The following CACNA2D3 variants were observed in gnomAD, a reference collection of about 807,000 sequenced individuals.
CACNA2D3 encodes the protein voltage-dependent calcium channel subunit alpha-2/delta-3.
A neutral mutation model predicts 160.6 loss-of-function variants in CACNA2D3; 60 were observed. That is an observed-to-expected ratio of 0.37 (90% CI 0.30 to 0.46). The LOEUF is 0.46. CACNA2D3 is among the 20% of genes least tolerant of loss of function. The pLI is 1.00. For synonymous variants in CACNA2D3, 558 were observed against 492.9 expected (o/e 1.13, Z -1.75); for missense variants, 1,205 against 1,365.0 (o/e 0.88, Z 1.85).
Position 54,862,449 on chromosome 3 carries a change from G to A in CACNA2D3, c.1627-9090G>A, listed in dbSNP as rs148407726. ...ATGAAGGCTCAGCATTCTGACGTTGGTTGTTGGTTGATGCTATTACAGGCA... is the reference window on the plus strand; with the variant it reads ...ATGAAGGCTCAGCATTCTGACGTTGATTGTTGGTTGATGCTATTACAGGCA... On this transcript the variant is annotated intron_variant, in intron 17 of 37. Coordinates refer to ENST00000474759, the MANE Select transcript of CACNA2D3 (RefSeq NM_018398.3). 2.0e-5 allele frequency among the ~76,000 whole-genome samples: 3 copies of A among 152,226 alleles called. No homozygotes were observed. The East Asian group carries it at 5.8e-4, about 29-fold the overall frequency.
intron 27 of CACNA2D3, among the ~76,000 whole-genome samples, chr3:54,946,489 G>C (rs528222700): frequency 6.6e-6 from 1 of 152,180 alleles, no homozygotes; most frequent in Non-Finnish European, 1.5e-5. Flanking sequence ...ATGAAAGGAG[G>C]GGGGATGTGA....
At chr3:54,918,533 C>A (rs1700732431) in intron 27 of CACNA2D3, 1 of 1,614,028 alleles carries the variant, frequency 6.2e-7, no homozygotes, top group South Asian at 1.1e-5. Flanking sequence ...AAGGGTCCCC[C>A]ATGGTACTGG....
intron 27 of CACNA2D3, among the ~76,000 whole-genome samples, chr3:54,936,319 C>T (rs1284067109): frequency 6.6e-6 from 1 of 152,142 alleles, no homozygotes; most frequent in Non-Finnish European, 1.5e-5. Flanking sequence ...GAGTATTCTG[C>T]CCGTGGACAG....
chr3:54,770,936 G>A (rs753376607), intron 13 of CACNA2D3, among the ~76,000 whole-genome samples: 2 of 152,172 alleles, frequency 1.3e-5, no homozygotes, highest in African/African-American at 4.8e-5. Context: ...TACGGGCAAA[G>A]CAACCATAAA....
intron 11 of CACNA2D3, among the ~76,000 whole-genome samples, chr3:54,653,325 G>A (rs1699811656): frequency 6.6e-6 from 1 of 152,152 alleles, no homozygotes; most frequent in Non-Finnish European, 1.5e-5. Context: ...TCTCTTGGGT[G>A]CTGACATTTC....
Position 54,642,150 on chromosome 3 carries a change from G to GT in CACNA2D3, c.1077dup (p.Ile360TyrfsTer11). On this transcript the variant is annotated frameshift_variant, in exon 11 of 38. Coordinates refer to ENST00000474759, the MANE Select transcript of CACNA2D3 (RefSeq NM_018398.3). LOFTEE classifies it high-confidence loss of function. ...TAGTTCAACCACACGGGACAAGGAAGTATCTGCAGTCAGGCCATCATGCTC... is the reference window on the plus strand; with the variant it reads ...TAGTTCAACCACACGGGACAAGGAAGTTATCTGCAGTCAGGCCATCATGCTC... 6.2e-7 allele frequency: 1 copy of GT among 1,612,580 alleles called. No homozygotes were observed. The highest frequency in any genetic ancestry group is 8.5e-7 in the Non-Finnish European group (1 of 1,179,100).
chr3:54,585,978 T>C (rs11130427), intron 9 of CACNA2D3, among the ~76,000 whole-genome samples: 42,690 of 151,568 alleles, frequency 0.28, 6,815 homozygotes, highest in South Asian at 0.4. Context: ...AAGAAACTCA[T>C]TTGAGGCCTG....
At chr3:54,333,157 C>T (rs1704302255) in intron 3 of CACNA2D3, among the ~76,000 whole-genome samples, 2 of 151,836 alleles carry the variant, frequency 1.3e-5, no homozygotes, top group Admixed American at 6.6e-5. Context: ...CTGTGAGGGG[C>T]ATGGTGTGGT....
intron 9 of CACNA2D3, among the ~76,000 whole-genome samples, chr3:54,583,110 C>A (rs1263377478): frequency 1.3e-5 from 2 of 152,104 alleles, no homozygotes; most frequent in African/African-American, 4.8e-5. Flanking sequence ...GTTGTTTGGC[C>A]ATTGTGTAAG....
intron 2 of CACNA2D3, among the ~76,000 whole-genome samples, chr3:54,271,044 T>C (rs564534867): frequency 6.6e-6 from 1 of 152,246 alleles, no homozygotes; most frequent in African/African-American, 2.4e-5. Context: ...TCATTTGCAT[T>C]TTTAGAAGGA....
chr3:54,960,747 T>C (rs1268447541), intron 27 of CACNA2D3, among the ~76,000 whole-genome samples: 1 of 152,226 alleles, frequency 6.6e-6, no homozygotes, highest in Non-Finnish European at 1.5e-5. Context: ...CCCAAATTAG[T>C]CCCAGGATTT....
chr3:55,020,482 GTA>G (rs1259057145), intron 35 of CACNA2D3, among the ~76,000 whole-genome samples: 1 of 149,780 alleles, frequency 6.7e-6, no homozygotes, highest in African/African-American at 2.4e-5. Context: ...TTTATATGTA[GTA>G]TATATTATAT....
chr3:54,611,680 G>T (rs1305598227), intron 9 of CACNA2D3, among the ~76,000 whole-genome samples: 2 of 152,206 alleles, frequency 1.3e-5, no homozygotes, highest in African/African-American at 2.4e-5. Flanking sequence ...GTCTCAGAAA[G>T]GGGGTGGAGT....
At chr3:54,213,984 G>A (rs1701421230) in intron 2 of CACNA2D3, among the ~76,000 whole-genome samples, 2 of 152,182 alleles carry the variant, frequency 1.3e-5, no homozygotes, top group South Asian at 4.2e-4. Flanking sequence ...CAACCCTACT[G>A]TAGTGGGGAT....
chr3:55,025,012 A>G (rs889987954), intron 35 of CACNA2D3, among the ~76,000 whole-genome samples: 1 of 152,218 alleles, frequency 6.6e-6, no homozygotes, highest in Non-Finnish European at 1.5e-5. Context: ...CATCATAACT[A>G]CAAACTCTAT....
intron 11 of CACNA2D3, among the ~76,000 whole-genome samples, chr3:54,727,240 TAA>T (rs1701294716): frequency 6.6e-6 from 1 of 152,074 alleles, no homozygotes; most frequent in Non-Finnish European, 1.5e-5. Flanking sequence ...TGGAGGTCAT[TAA>T]AAAGTCAGGA....
chr3:54,725,958 A>G (rs927592949), intron 11 of CACNA2D3, among the ~76,000 whole-genome samples: 2 of 152,174 alleles, frequency 1.3e-5, no homozygotes, highest in Non-Finnish European at 2.9e-5. Flanking sequence ...ATATAGGAAG[A>G]GAGGAAGTCA....
chr3:54,547,606 T>C (rs1361677343), intron 5 of CACNA2D3, among the ~76,000 whole-genome samples: 1 of 151,946 alleles, frequency 6.6e-6, no homozygotes, highest in Non-Finnish European at 1.5e-5. Context: ...TTCAGCAGTT[T>C]GTCAGTTGCA....
intron 30 of CACNA2D3, among the ~76,000 whole-genome samples, chr3:54,986,495 A>G (rs972826640): frequency 6.6e-6 from 1 of 152,112 alleles, no homozygotes; most frequent in Non-Finnish European, 1.5e-5. Flanking sequence ...AAAGTTTCCA[A>G]GTTTCCCTGT....
Sources: gnomAD v4.1 joint callset for allele counts (sites outside exome capture counted in the v4.1 genomes callset) on GRCh38, gnomAD v4.1.1 for gene constraint, MANE v1.5 for transcripts, NCBI Gene and HGNC (gene_info 2026-07-23, HGNC 2026-07-21) for gene names.